The following MYBPC1 variants were observed in gnomAD, a reference collection of about 807,000 sequenced individuals.
The protein encoded by MYBPC1 is myosin-binding protein C, slow-type.
Under a neutral mutation model 147.1 loss-of-function variants are expected in MYBPC1, and 52 were observed. The observed-to-expected ratio is 0.35, with a 90% CI of 0.28 to 0.45. The LOEUF is 0.45. Among genes scored for constraint, MYBPC1 ranks in the 20% least tolerant of loss-of-function variants. The pLI is 1.00. For synonymous variants in MYBPC1, 477 were observed against 475.9 expected, an observed-to-expected ratio of 1.00 and a Z score of -0.03; for missense variants, 1,228 against 1,440.3, an observed-to-expected ratio of 0.85 and a Z score of 2.39.
At chr12:101,609,931 T>C (rs1883651941) in intron 1 of MYBPC1, among the ~76,000 whole-genome samples, 1 of 152,210 alleles carries the variant, frequency 6.6e-6, no homozygotes, top group Non-Finnish European at 1.5e-5. Context: ...AATGAATGAA[T>C]GTTACAGAGG....
chr12:101,655,836 A>G lies in MYBPC1; in HGVS notation c.1767+2588A>G, dbSNP rs896002635. 3.3e-5 allele frequency among the ~76,000 whole-genome samples: 5 copies of G among 152,178 alleles called. No individual in the cohort carries two copies. The East Asian group carries it at 9.6e-4, about 29-fold the overall frequency. On this transcript the variant is annotated intron_variant, in intron 18 of 31. Transcript: ENST00000361466. ...ATATAGGTCAGAAACTCAGATCTAC[A>G]TAAAGAAAGAAAGAGTATAAAATAA...
chr12:101,658,976 C>A (rs1446030858), intron 18 of MYBPC1, among the ~76,000 whole-genome samples: 3 of 151,448 alleles, frequency 2.0e-5, no homozygotes, highest in Non-Finnish European at 4.4e-5. Context: ...AAGATACAAC[C>A]TGGGAATCAG....
At chr12:101,627,068 AT>A (rs1426950992) in intron 4 of MYBPC1, among the ~76,000 whole-genome samples, 158 bp downstream of exon 4, 1 of 152,214 alleles carries the variant, frequency 6.6e-6, no homozygotes, top group Non-Finnish European at 1.5e-5. Flanking sequence ...GTTGGCTTTA[AT>A]GACAATTTTT....
intron 11 of MYBPC1, among the ~76,000 whole-genome samples, chr12:101,643,411 G>T (rs1892462000): frequency 6.6e-6 from 1 of 152,096 alleles, no homozygotes; most frequent in African/African-American, 2.4e-5. Context: ...TACTACAGGG[G>T]AGAGCCAGCT....
At chr12:101,692,345 C>T in the MYBPC1 span, among the ~76,000 whole-genome samples, 1 of 152,100 alleles carries the variant, frequency 6.6e-6, no homozygotes, top group African/African-American at 2.4e-5. Context: ...TATATAGAAA[C>T]TGGACTGTTC....
At chr12:101,690,653 T>A (rs1237397843), downstream of MYBPC1, among the ~76,000 whole-genome samples, 3 of 152,228 alleles carry the variant, frequency 2.0e-5, no homozygotes, top group African/African-American at 7.2e-5. Context: ...GAACCGTGTC[T>A]CTGAAGGAAA....
chr12:101,615,320 T>C (rs768379127), intron 2 of MYBPC1, among the ~76,000 whole-genome samples: 1 of 152,166 alleles, frequency 6.6e-6, no homozygotes, highest in Non-Finnish European at 1.5e-5. Context: ...CAAAATCATG[T>C]GCATTTTCCC....
chr12:101,690,045 C>G (rs928053169), downstream of MYBPC1, among the ~76,000 whole-genome samples: 5 of 152,088 alleles, frequency 3.3e-5, no homozygotes, highest in Admixed American at 2.0e-4. Flanking sequence ...CGTGGTGGCG[C>G]GTGCCTGTAA....
intron 18 of MYBPC1, among the ~76,000 whole-genome samples, chr12:101,656,750 T>C (rs993447993): frequency 6.6e-6 from 1 of 152,176 alleles, no homozygotes; most frequent in African/African-American, 2.4e-5. Context: ...ACTATTATAG[T>C]TGGAGATTTT....
intron 3 of MYBPC1, among the ~76,000 whole-genome samples, chr12:101,621,409 G>A (rs577943321): frequency 4.6e-5 from 7 of 152,276 alleles, no homozygotes; most frequent in African/African-American, 1.7e-4. Context: ...GGCATGTATC[G>A]TCTCATTAAG....
intron 7 of MYBPC1, 125 bp from the exon 8 acceptor site, chr12:101,631,896 A>G: frequency 7.9e-7 from 1 of 1,266,046 alleles, no homozygotes; most frequent in Non-Finnish European, 1.2e-6. Context: ...GCTACAGGAC[A>G]CATTTGCCCT....
chr12:101,599,194 C>T (rs1401345290), intron 1 of MYBPC1, among the ~76,000 whole-genome samples: 2 of 152,150 alleles, frequency 1.3e-5, no homozygotes, highest in African/African-American at 4.8e-5. Context: ...GAAGCAAAGG[C>T]ATGGCTTTGT....
intron 6 of MYBPC1, among the ~76,000 whole-genome samples, chr12:101,630,697 A>G (rs530441581): frequency 7.0e-4 from 106 of 152,342 alleles, no homozygotes; most frequent in African/African-American, 2.5e-3. Context: ...TGAGTATAAC[A>G]TGTGAGCACT....
At chr12:101,654,909 TTCAA>T (rs1895267468) in intron 18 of MYBPC1, among the ~76,000 whole-genome samples, 1 of 152,302 alleles carries the variant, frequency 6.6e-6, no homozygotes, top group South Asian at 2.1e-4. Context: ...GTCTAAAAGA[TTCAA>T]TCAATTTCCA....
Position 101,667,782 on chromosome 12 carries a change from A to G in MYBPC1, c.2407A>G (p.Thr803Ala). 6.2e-7 allele frequency: 1 copy of G among 1,614,206 alleles called. No individual in the cohort carries two copies. The highest frequency in any genetic ancestry group is 8.5e-7 in the Non-Finnish European group (1 of 1,180,032). Residue 803 changes from threonine (T) to alanine (A), a missense_variant, in exon 23 of 32, where the codon ACC (threonine) becomes GCC (alanine). Physicochemically the swap from Thr to Ala is moderately conservative, Grantham distance 58. Around this residue, in one of 2 missense-constraint regions of MYBPC1, gnomAD observed 1,077 missense variants for 1,314.2 expected, o/e 0.82. Coordinates refer to ENST00000361466, the MANE Select transcript of MYBPC1 (RefSeq NM_002465.4). The stretch of plus-strand genomic sequence containing the variant: ...AGATCTGATTGACAAGACGAAGTTC[A>G]CCATCACAGGTCTGCCAACAGATGC... ...NKDLIDKTKF[T>A]ITGLPTDAKI...
At position 101,678,148 on chromosome 12, in the gene MYBPC1, G is replaced by A; in HGVS notation, c.3156G>A (p.Glu1052=). The A allele has an allele frequency of 2.5e-6, 4 of 1,614,006 alleles. No homozygotes were observed. Among genetic ancestry groups the A allele is most frequent in the Non-Finnish European group, 3.4e-6 (4 of 1,179,886 alleles). ...TGTATGAAGACTTTGATTTCTCAGA[G>A]GCACCCATGTTTACTCAGCCTTTGG... The part of the protein sequence containing the change: ...NPVYEDFDFS[E]APMFTQPLVN... The change falls in exon 28 of 32, where the codon GAG becomes GAA. Residue 1052 remains glutamate, a synonymous_variant. Coordinates refer to ENST00000361466, the MANE Select transcript of MYBPC1 (RefSeq NM_002465.4).
intron 10 of MYBPC1, among the ~76,000 whole-genome samples, chr12:101,639,786 G>T (rs1283915729): frequency 1.3e-5 from 2 of 151,872 alleles, no homozygotes; most frequent in African/African-American, 4.8e-5. Context: ...ATTATATCTA[G>T]CTTGATAGCT....
chr12:101,663,663 C>G lies in MYBPC1; in HGVS notation c.2356+103C>G, dbSNP rs781108643. The G allele has an allele frequency of 3.8e-6, 5 of 1,331,250 alleles. No homozygotes were observed. The South Asian group carries it at 6.2e-5, about 17-fold the overall frequency. 82.5% of individuals were successfully genotyped at this position (1,331,250 alleles called of 1,614,324 possible). Reference sequence around the variant, plus strand: ...TTCTTGAGAACGCATCACCTTCCTACGAAAATAAGATCAAGCCAAACGTCA... The same window carrying G: ...TTCTTGAGAACGCATCACCTTCCTAGGAAAATAAGATCAAGCCAAACGTCA... On this transcript the variant is annotated intron_variant, in intron 22 of 31. Coordinates refer to ENST00000361466, the MANE Select transcript of MYBPC1 (RefSeq NM_002465.4).
intron 21 of MYBPC1, among the ~76,000 whole-genome samples, chr12:101,662,798 G>A (rs1896789642): frequency 6.6e-6 from 1 of 152,180 alleles, no homozygotes; most frequent in African/African-American, 2.4e-5. Context: ...GGCTCTGATT[G>A]CCATTCCCCA....
Sources: gnomAD v4.1 joint callset for allele counts (sites outside exome capture counted in the v4.1 genomes callset) on GRCh38, gnomAD v4.1.1 for gene constraint, gnomAD v4.1.1 regional missense constraint, MANE v1.5 for transcripts, NCBI Gene and HGNC (gene_info 2026-07-23, HGNC 2026-07-21) for gene names.